TBL1XR1: variants seen among roughly 807,000 people sequenced by gnomAD.
The protein encoded by TBL1XR1 is TBL1X/Y related 1.
TBL1XR1 carries 5 observed loss-of-function variants against 66.9 expected under a neutral mutation model. That is an observed-to-expected ratio of 0.07 (90% CI 0.04 to 0.16). The LOEUF (loss-of-function observed/expected upper bound fraction) is 0.16. TBL1XR1 is among the 10% of genes least tolerant of loss of function. TBL1XR1 has a pLI of 1.00. For missense variants in TBL1XR1, 238 were observed against 623.2 expected (o/e 0.38, Z 6.58); for synonymous variants, 210 against 206.0 (o/e 1.02, Z -0.17).
At chr3:177,176,300 G>A (rs1297487452) in intron 1 of TBL1XR1, among the ~76,000 whole-genome samples, 3 of 150,854 alleles carry the variant, frequency 2.0e-5, no homozygotes, top group Non-Finnish European at 3.0e-5. Flanking sequence ...GGGCTCAAGC[G>A]ATTCTCCTGC....
intron 1 of TBL1XR1, chr3:177,126,229 G>T (rs2108771588): frequency 6.6e-6 from 1 of 152,276 alleles, no homozygotes; most frequent in East Asian, 1.9e-4. Flanking sequence ...TGACTCAACG[G>T]CTAGATATGG....
In TBL1XR1 at chr3:177,020,132, C is replaced by A. The variant is rs1050520884; in HGVS notation, c.*5366G>T. On this transcript the variant is annotated 3_prime_UTR_variant, in exon 16 of 16. Coordinates refer to ENST00000457928, the MANE Select transcript of TBL1XR1 (RefSeq NM_024665.7). ...CAACTAGCTAAGAGAGAAAATGATT[C>A]AACTATAATTGGCTTGTTGTGAAGC... The A allele has an allele frequency of 6.6e-6, 1 of 151,182 alleles. No individual in the cohort carries two copies. The highest frequency in any genetic ancestry group is 6.6e-5 in the Admixed American group (1 of 15,200). The allele number at this position is 151,182 out of a possible 1,614,324, so 9.4% of individuals were successfully genotyped here.
intron 12 of TBL1XR1, chr3:177,037,752 A>G (rs1715008135): frequency 5.5e-6 from 1 of 180,190 alleles, no homozygotes; most frequent in African/African-American, 2.5e-5. Context: ...CACGTGAGTC[A>G]ATTTCTCACA....
chr3:177,028,560 A>G (rs1713483700), intron 14 of TBL1XR1, among the ~76,000 whole-genome samples: 2 of 152,204 alleles, frequency 1.3e-5, no homozygotes, highest in Non-Finnish European at 2.9e-5. Flanking sequence ...ACCTCAAAAC[A>G]CATTAGGAAA....
chr3:177,095,646 A>C (rs1436678211), intron 2 of TBL1XR1, among the ~76,000 whole-genome samples: 2 of 151,776 alleles, frequency 1.3e-5, no homozygotes, highest in Admixed American at 1.3e-4. Context: ...CGCCTGGCTA[A>C]TTTTTGTATT....
At chr3:177,176,859 A>G (rs2108951220) in intron 1 of TBL1XR1, among the ~76,000 whole-genome samples, 1 of 152,290 alleles carries the variant, frequency 6.6e-6, no homozygotes, top group African/African-American at 2.4e-5. Flanking sequence ...GCACGTCTGT[A>G]GTCCCAGCTA....
In TBL1XR1 at chr3:177,024,713, G is replaced by GA. The variant is rs148659524; in HGVS notation, c.*784dup. The GA allele has an allele frequency of 0.3, 25,991 of 85,458 alleles. 2,764 individuals carry two copies. The highest frequency in any genetic ancestry group is 0.51 in the East Asian group (1,836 of 3,572). The allele number at this position is 85,458 out of a possible 1,614,324, so 5.3% of individuals were successfully genotyped here. A position where few individuals can be genotyped will look rare whatever the true frequency, so the allele number is the denominator to read the frequency against. On this transcript the variant is annotated 3_prime_UTR_variant, in exon 16 of 16. Transcript: ENST00000457928. ...AGCCACATCACCAAAAAACAAAAAA[G>GA]AAAAAAAAAAAAAAAAAGCAAAACA...
At chr3:177,054,073 T>TGCGC (rs1553817809) in intron 3 of TBL1XR1, among the ~76,000 whole-genome samples, 155 bp from the exon 4 acceptor site, 299 of 124,914 alleles carry the variant, frequency 2.4e-3, no homozygotes, top group Non-Finnish European at 3.7e-3. Flanking sequence ...TGTGTGTGTG[T>TGCGC]GCGCGCGCGT....
intron 1 of TBL1XR1, among the ~76,000 whole-genome samples, chr3:177,113,590 G>A (rs1725925469): frequency 6.6e-6 from 1 of 152,172 alleles, no homozygotes; most frequent in Non-Finnish European, 1.5e-5. Flanking sequence ...TAACATTTTA[G>A]AAGGTGAAGG....
At chr3:177,127,102 T>C (rs1190621931) in intron 1 of TBL1XR1, among the ~76,000 whole-genome samples, 2 of 152,210 alleles carry the variant, frequency 1.3e-5, no homozygotes, top group Non-Finnish European at 2.9e-5. Flanking sequence ...ATGTGGAACC[T>C]GCTGCCCAAG....
chr3:177,032,756 TACA>T lies in TBL1XR1; in HGVS notation c.1416+212_1416+214del, dbSNP rs1252897857. The T allele has an allele frequency of 3.5e-4, 135 of 381,212 alleles. 2 individuals carry two copies. The highest frequency in any genetic ancestry group is 8.3e-5 in the Non-Finnish European group (18 of 218,000). The allele number at this position is 381,212 out of a possible 1,614,324, so 23.6% of individuals were successfully genotyped here. A position where few individuals can be genotyped will look rare whatever the true frequency, so the allele number is the denominator to read the frequency against. On this transcript the variant is annotated intron_variant, in intron 14 of 15. Coordinates refer to ENST00000457928, the MANE Select transcript of TBL1XR1 (RefSeq NM_024665.7). ...AAACCGTTGGAAAAAAACAAAAGAA[TACA>T]ATAATAAATAATAAAACAAATGATC...
chr3:177,133,295 A>T (rs1455037233), intron 1 of TBL1XR1, among the ~76,000 whole-genome samples: 1 of 151,492 alleles, frequency 6.6e-6, no homozygotes, highest in Non-Finnish European at 1.5e-5. Flanking sequence ...CTCAAAAAAT[A>T]AAAAATAAAT....
chr3:177,082,738 TTATATATATA>T lies in TBL1XR1; in HGVS notation c.-46+15718_-46+15727del, dbSNP rs374510003. Among the ~76,000 whole-genome samples, 185 of 63,246 alleles carry T rather than the reference TTATATATATA, an allele frequency of 2.9e-3. 14 individuals carry two copies. Among genetic ancestry groups the T allele is most frequent in the African/African-American group, 9.1e-3 (144 of 15,758 alleles). 41.5% of individuals were successfully genotyped at this position (63,246 alleles called of 152,430 possible). A position where few individuals can be genotyped will look rare whatever the true frequency, so the allele number is the denominator to read the frequency against. On this transcript the variant is annotated intron_variant, in intron 2 of 15. Transcript: ENST00000457928. ...TATTACTAAATTTCTAAGATAGAGA[TTATATATATA>T]TATATATATATATATATATGAATAT...
intron 10 of TBL1XR1, 139 bp downstream of exon 10, chr3:177,045,990 G>T: frequency 1.6e-6 from 1 of 624,810 alleles, no homozygotes; most frequent in Non-Finnish European, 2.7e-6. Context: ...GAATGTCATG[G>T]AACATCAACT....
intron 3 of TBL1XR1, among the ~76,000 whole-genome samples, chr3:177,059,759 A>C (rs1718272673): frequency 6.6e-6 from 1 of 152,170 alleles, no homozygotes; most frequent in South Asian, 2.1e-4. Flanking sequence ...CCTGGATATA[A>C]TTGTGAGAGT....
chr3:177,077,326 T>C (rs897557858), intron 2 of TBL1XR1, among the ~76,000 whole-genome samples: 9 of 151,368 alleles, frequency 5.9e-5, no homozygotes, highest in Non-Finnish European at 1.3e-4. Flanking sequence ...TAAGAAACTA[T>C]GTTAAATCCA....
chr3:177,046,791 C>G (rs1716384084), intron 9 of TBL1XR1, among the ~76,000 whole-genome samples: 1 of 152,138 alleles, frequency 6.6e-6, no homozygotes, highest in African/African-American at 2.4e-5. Flanking sequence ...TGACACCACA[C>G]TCAATTATTA....
At chr3:177,025,794 TG>T (rs1713031258) in intron 15 of TBL1XR1, among the ~76,000 whole-genome samples, 4 of 152,034 alleles carry the variant, frequency 2.6e-5, no homozygotes, top group Admixed American at 2.6e-4. Flanking sequence ...AGGGGGAAAA[TG>T]CTCAAAACAG....
intron 2 of TBL1XR1, among the ~76,000 whole-genome samples, chr3:177,097,569 A>G (rs867797453): frequency 3.3e-5 from 5 of 152,044 alleles, no homozygotes; most frequent in South Asian, 2.1e-4. Context: ...TCTTTCTGCT[A>G]TATCACATGA....
Sources: allele counts gnomAD v4.1 joint callset (sites outside exome capture counted in the v4.1 genomes callset), GRCh38; gene constraint gnomAD v4.1.1; transcripts MANE v1.5; gene names NCBI Gene and HGNC (gene_info 2026-07-23, HGNC 2026-07-21).